FHAD1: variants seen among roughly 807,000 people sequenced by gnomAD.
FHAD1 encodes the protein forkhead-associated domain-containing protein 1.
A neutral mutation model predicts 191.3 loss-of-function variants in FHAD1; 146 were observed. The ratio of observed to expected loss-of-function variants is 0.76; its 90% CI spans 0.67 to 0.88. The LOEUF (loss-of-function observed/expected upper bound fraction) is 0.88. FHAD1 is among the 40% of genes least tolerant of loss of function. The pLI is 0.00. For synonymous variants in FHAD1, 616 were observed against 672.3 expected, an observed-to-expected ratio of 0.92 and a Z score of 1.29; for missense variants, 1,635 against 1,785.8, an observed-to-expected ratio of 0.92 and a Z score of 1.52.
At chr1:15,396,244 C>T (rs972894232) in intron 33 of FHAD1, among the ~76,000 whole-genome samples, 2 of 151,944 alleles carry the variant, frequency 1.3e-5, no homozygotes, top group Admixed American at 6.6e-5. Context: ...TCACCTGAGC[C>T]TGAGGAGGTC....
chr1:15,388,657 C>T (rs77128648), intron 32 of FHAD1, among the ~76,000 whole-genome samples: 12,815 of 151,940 alleles, frequency 0.084, 1,193 homozygotes, highest in African/African-American at 0.23. Context: ...AGCACTTCTA[C>T]CCCCGCCAAG....
intron 6 of FHAD1, among the ~76,000 whole-genome samples, chr1:15,307,707 A>G (rs1670931218): frequency 6.6e-6 from 1 of 150,966 alleles, no homozygotes; most frequent in South Asian, 2.1e-4. Context: ...AGCCAGTGAA[A>G]CTGTAATTCC....
At chr1:15,251,021 T>C (rs1420861706) in intron 1 of FHAD1, among the ~76,000 whole-genome samples, 1 of 152,026 alleles carries the variant, frequency 6.6e-6, no homozygotes, top group African/African-American at 2.4e-5. Context: ...CTGGGTGTGG[T>C]GGCTCCTGTC....
At position 15,276,116 on chromosome 1, in the gene FHAD1, C is replaced by T. The variant is rs982462377; in HGVS notation, c.300+3587C>T. On this transcript the variant is annotated intron_variant, in intron 3 of 33. Transcript: ENST00000688493. The surrounding 1 kb of genome is among the most constrained non-coding windows in gnomAD (Gnocchi z 4.7). ...CCACACAGTTCTGCCCTGCTCTTGA[C>T]CAGCTGTGGGATCATGCACAAGTTG... 6.6e-6 allele frequency among the ~76,000 whole-genome samples: 1 copy of T among 152,196 alleles called. No homozygotes were observed. The highest frequency in any genetic ancestry group is 2.4e-5 in the African/African-American group (1 of 41,428).
Position 15,344,135 on chromosome 1 carries a change from T to C in FHAD1, c.2131-948T>C, listed in dbSNP as rs12217033. 9.8e-4 allele frequency among the ~76,000 whole-genome samples: 149 copies of C among 152,332 alleles called. 3 individuals carry two copies. In the East Asian group the frequency reaches 0.026, roughly 26 times the overall value. ...TGTGACACTCGAAGGTCGCCCTTCC[T>C]CTGATACTCGGATTGATGGACTTGA... On this transcript the variant is annotated intron_variant, in intron 16 of 33. Transcript: ENST00000688493.
At chr1:15,340,645 G>A (rs932068989) in intron 15 of FHAD1, among the ~76,000 whole-genome samples, 2 of 152,134 alleles carry the variant, frequency 1.3e-5, no homozygotes, top group Non-Finnish European at 2.9e-5. Context: ...AAATATGGGC[G>A]GGCACTGCAA....
intron 26 of FHAD1, among the ~76,000 whole-genome samples, chr1:15,371,738 G>A (rs1463221105): frequency 6.6e-6 from 1 of 152,234 alleles, no homozygotes; most frequent in Non-Finnish European, 1.5e-5. Context: ...CAAGGCCAGT[G>A]TAGAGCCAGC....
In FHAD1 at chr1:15,362,564, T is replaced by C. The variant is rs138204727; in HGVS notation, c.2963-78T>C. ...AGGTGGAGGCAGGGTTTGTAAGTTG[T>C]GAAAGACACAGGTGTGCTTGTAAGC... On this transcript the variant is annotated intron_variant, in intron 22 of 33. Transcript: ENST00000688493. 4.1e-4 allele frequency: 489 copies of C among 1,198,234 alleles called. 1 individual carries two copies. Among genetic ancestry groups the C allele is most frequent in the African/African-American group, 3.6e-3 (239 of 66,276 alleles). 74.2% of individuals were successfully genotyped at this position (1,198,234 alleles called of 1,614,324 possible).
At chr1:15,338,695 A>G (rs1293817185) in intron 14 of FHAD1, among the ~76,000 whole-genome samples, 2 of 151,926 alleles carry the variant, frequency 1.3e-5, no homozygotes, top group East Asian at 3.9e-4. Flanking sequence ...ATCCACACCC[A>G]GTAGTTCTTC....
chr1:15,290,694 CT>C (rs34777607), intron 4 of FHAD1, among the ~76,000 whole-genome samples: 35,719 of 138,086 alleles, frequency 0.26, 4,548 homozygotes, highest in South Asian at 0.37. Flanking sequence ...TTAATATGAA[CT>C]TTTTTTTTTT....
chr1:15,334,343 G>C (rs548262174), intron 14 of FHAD1: 2 of 146,176 alleles, frequency 1.4e-5, no homozygotes, highest in East Asian at 2.1e-4. Context: ...CCAGTCCCTA[G>C]AGAATGGGTG....
Position 15,313,157 on chromosome 1 carries a change from G to A in FHAD1, c.1140G>A (p.Lys380=). 6.4e-7 allele frequency: 1 copy of A among 1,551,944 alleles called. No individual in the cohort carries two copies. The highest frequency in any genetic ancestry group is 8.7e-7 in the Non-Finnish European group (1 of 1,147,046). Residue 380 remains lysine (K), a synonymous_variant, in exon 8 of 34, where the codon AAG becomes AAA. Transcript: ENST00000688493. ...VSHLKSQNKD[K]DHQLEALGSR... ...ACCTAAAAAGTCAGAACAAGGACAA[G>A]GACCACCAGCTGGAAGCCCTTGGCT...
At chr1:15,345,586 T>C in intron 18 of FHAD1, 63 bp downstream of exon 18, 17 of 1,304,892 alleles carry the variant, frequency 1.3e-5, no homozygotes, top group South Asian at 2.5e-5. Context: ...TGGAAGGAAG[T>C]TCAGAGCGGC....
chr1:15,337,742 G>C (rs910393876), intron 14 of FHAD1, among the ~76,000 whole-genome samples: 2 of 151,584 alleles, frequency 1.3e-5, no homozygotes, highest in African/African-American at 4.9e-5. Context: ...CCAGCCTCTC[G>C]AATGCAGCCC....
chr1:15,329,210 T>C lies in FHAD1; in HGVS notation c.1711-136T>C. On this transcript the variant is annotated intron_variant, in intron 13 of 33. Transcript: ENST00000688493. This position sits in a 1 kb window ranked among gnomAD's most constrained non-coding sequence, Gnocchi z 5.0. ...TAAAAATTTTAAAAAAGAAAAAAAC[T>C]GAGTCCTCCCAAGGCGGCCAATACG... 1 of 625,214 alleles carries C rather than the reference T, an allele frequency of 1.6e-6. No homozygotes were observed. Among genetic ancestry groups the C allele is most frequent in the Non-Finnish European group, 2.6e-6 (1 of 383,528 alleles). The allele number at this position is 625,214 out of a possible 1,614,324, so 38.7% of individuals were successfully genotyped here.
intron 5 of FHAD1, among the ~76,000 whole-genome samples, chr1:15,298,395 G>A (rs1320245424): frequency 6.6e-6 from 1 of 152,214 alleles, no homozygotes; most frequent in African/African-American, 2.4e-5. Context: ...TGGGAGCAGG[G>A]CAAGGGATAA....
intron 7 of FHAD1, 42 bp downstream of exon 7, chr1:15,308,778 C>T (rs770180074): frequency 3.0e-5 from 47 of 1,550,238 alleles, no homozygotes; most frequent in Non-Finnish European, 3.9e-5. Context: ...CACTCCCGCA[C>T]CCGTTGTTCT....
chr1:15,265,463 C>G (rs1350132693), intron 2 of FHAD1, among the ~76,000 whole-genome samples: 2 of 152,174 alleles, frequency 1.3e-5, no homozygotes, highest in African/African-American at 4.8e-5. Context: ...TATCTAAATA[C>G]AGGAGGGAGT....
rs746028769 is a variant in FHAD1 at position 15,289,609 on chromosome 1, A to G, written c.511A>G (p.Lys171Glu). 6.4e-7 allele frequency: 1 copy of G among 1,551,618 alleles called. No individual in the cohort carries two copies. The highest frequency in any genetic ancestry group is 8.7e-7 in the Non-Finnish European group (1 of 1,146,962). Residue 171 changes from lysine to glutamate, a missense_variant, in exon 4 of 34, where the codon AAG (lysine) becomes GAG (glutamate). Lys to Glu is a moderately conservative substitution (Grantham distance 56). Transcript: ENST00000688493. This position sits in a 1 kb window ranked among gnomAD's most constrained non-coding sequence, Gnocchi z 4.2. ...ASHRRPVSAN[K>E]EMFSFVVDDA... ...CCACAGGCGGCCTGTGAGCGCCAACAAGGAGATGTTCTCGTTCGTGGTGGA... is the reference window on the plus strand; with the variant it reads ...CCACAGGCGGCCTGTGAGCGCCAACGAGGAGATGTTCTCGTTCGTGGTGGA...
Sources: allele counts gnomAD v4.1 joint callset (sites outside exome capture counted in the v4.1 genomes callset), GRCh38; gene constraint gnomAD v4.1.1; non-coding constraint Gnocchi (gnomAD v3.1); transcripts MANE v1.5; gene names NCBI Gene and HGNC (gene_info 2026-07-23, HGNC 2026-07-21).